DLGAP1: variants seen among roughly 807,000 people sequenced by gnomAD.
The protein encoded by DLGAP1 is DLG associated protein 1, also known as disks large-associated protein 1.
A neutral mutation model predicts 90.8 loss-of-function variants in DLGAP1; 11 were observed. The ratio of observed to expected loss-of-function variants is 0.12; its 90% CI spans 0.08 to 0.20. The LOEUF is 0.20. Among genes scored for constraint, DLGAP1 ranks in the 10% least tolerant of loss-of-function variants. DLGAP1 has a pLI of 1.00. For synonymous variants in DLGAP1, 558 were observed against 540.7 expected (o/e 1.03, Z -0.44); for missense variants, 1,050 against 1,333.8 (o/e 0.79, Z 3.31).
chr18:4,182,818 GT>G (rs1348754302), intron 1 of DLGAP1, among the ~76,000 whole-genome samples: 1 of 152,100 alleles, frequency 6.6e-6, no homozygotes, highest in Non-Finnish European at 1.5e-5. Flanking sequence ...CCATGGACAG[GT>G]AGAATCAAGT....
intron 9 of DLGAP1, among the ~76,000 whole-genome samples, chr18:3,539,243 T>C (rs2052550931): frequency 6.6e-6 from 1 of 152,246 alleles, no homozygotes; most frequent in Non-Finnish European, 1.5e-5. Context: ...GTCCCTAGAT[T>C]AATTTCTTTA....
intron 2 of DLGAP1, among the ~76,000 whole-genome samples, chr18:4,016,165 C>A (rs1003586634): frequency 1.3e-5 from 2 of 152,068 alleles, no homozygotes; most frequent in Non-Finnish European, 2.9e-5. Context: ...AGATATTTAG[C>A]CTTCAATTTT....
intron 4 of DLGAP1, among the ~76,000 whole-genome samples, chr18:3,851,241 T>C (rs763533493): frequency 1.3e-5 from 2 of 152,148 alleles, no homozygotes; most frequent in Non-Finnish European, 2.9e-5. Flanking sequence ...GACTGAAATT[T>C]ACGCAGCAGG....
chr18:4,362,799 C>T (rs899173716), intron 1 of DLGAP1, among the ~76,000 whole-genome samples: 14 of 151,984 alleles, frequency 9.2e-5, no homozygotes, highest in African/African-American at 2.9e-4. Flanking sequence ...ATAACAATTT[C>T]AGGACTCTGA....
At chr18:3,825,220 A>G (rs1356686736) in intron 4 of DLGAP1, among the ~76,000 whole-genome samples, 3 of 152,156 alleles carry the variant, frequency 2.0e-5, no homozygotes, top group Non-Finnish European at 2.9e-5. Context: ...CTTTAAACTG[A>G]TTACTTTGTG....
At chr18:3,750,331 T>G (rs1400529801) in intron 5 of DLGAP1, among the ~76,000 whole-genome samples, 1 of 152,266 alleles carries the variant, frequency 6.6e-6, no homozygotes, top group Admixed American at 6.5e-5. Flanking sequence ...TAGTATTCCA[T>G]GGTGTGTATG....
In DLGAP1 at chr18:4,425,169, T is replaced by C. The variant is rs1050232375; in HGVS notation, c.-267+29837A>G. Among the ~76,000 whole-genome samples, 4 of 152,158 alleles carry C rather than the reference T, an allele frequency of 2.6e-5. No individual in the cohort carries two copies. In the South Asian group the frequency reaches 8.3e-4, roughly 32 times the overall value. On this transcript the variant is annotated intron_variant, in intron 1 of 12. Transcript: ENST00000315677. ...AAAAATATTTCAAAACCAAAAAAAA[T>C]TGTTATAAAATGGTTCCACAAATCA...
chr18:4,266,458 C>T (rs2145314387), intron 1 of DLGAP1, among the ~76,000 whole-genome samples: 1 of 152,286 alleles, frequency 6.6e-6, no homozygotes, highest in African/African-American at 2.4e-5. Flanking sequence ...TTGAAGGCCT[C>T]GCTAGATCAA....
intron 3 of DLGAP1, among the ~76,000 whole-genome samples, chr18:3,970,943 G>C (rs1228466684): frequency 2.0e-5 from 3 of 152,100 alleles, no homozygotes; most frequent in African/African-American, 7.2e-5. Flanking sequence ...CTCTGGGCTA[G>C]GTATGCATTT....
At chr18:4,186,097 T>C (rs923778332) in intron 1 of DLGAP1, among the ~76,000 whole-genome samples, 3 of 152,178 alleles carry the variant, frequency 2.0e-5, no homozygotes, top group African/African-American at 7.2e-5. Context: ...AAAGTGTCTG[T>C]TCCTGTCACT....
At chr18:3,702,625 T>A (rs1464289358) in intron 7 of DLGAP1, among the ~76,000 whole-genome samples, 3 of 152,120 alleles carry the variant, frequency 2.0e-5, no homozygotes, top group African/African-American at 4.8e-5. Context: ...ATATGTATCA[T>A]CTTAGAAGTA....
chr18:3,534,929 T>A (rs2052254263), intron 9 of DLGAP1, among the ~76,000 whole-genome samples: 3 of 152,108 alleles, frequency 2.0e-5, no homozygotes. Context: ...TGGCCTCAAG[T>A]GATCTGCCTG....
At chr18:4,194,690 T>A (rs1371384940) in intron 1 of DLGAP1, among the ~76,000 whole-genome samples, 1 of 152,248 alleles carries the variant, frequency 6.6e-6, no homozygotes, top group Non-Finnish European at 1.5e-5. Context: ...TAATTCTGGC[T>A]TATTTAACAC....
chr18:4,116,367 A>G (rs746518384), intron 2 of DLGAP1, among the ~76,000 whole-genome samples: 2 of 152,048 alleles, frequency 1.3e-5, no homozygotes, highest in Non-Finnish European at 2.9e-5. Context: ...GAGCTTCTTG[A>G]CTCTGTAGAA....
At chr18:3,961,914 T>A (rs2073206817) in intron 3 of DLGAP1, among the ~76,000 whole-genome samples, 1 of 152,202 alleles carries the variant, frequency 6.6e-6, no homozygotes, top group Non-Finnish European at 1.5e-5. Context: ...TGCTCAGGTT[T>A]CAGGGAGGAC....
At chr18:4,220,968 C>G (rs12966549) in intron 1 of DLGAP1, among the ~76,000 whole-genome samples, 64,002 of 151,856 alleles carry the variant, frequency 0.42, 15,602 homozygotes, top group East Asian at 0.79. Flanking sequence ...ATATTTACCA[C>G]TATGTTATAA....
chr18:4,087,687 G>C (rs61001305), intron 2 of DLGAP1, among the ~76,000 whole-genome samples: 9,861 of 152,230 alleles, frequency 0.065, 790 homozygotes, highest in African/African-American at 0.18. Context: ...CTCCATGACA[G>C]AGCTGGTCTT....
At chr18:3,605,907 A>C (rs757643277) in intron 7 of DLGAP1, among the ~76,000 whole-genome samples, 6 of 152,248 alleles carry the variant, frequency 3.9e-5, no homozygotes, top group Non-Finnish European at 8.8e-5. Flanking sequence ...GAGTGCCACT[A>C]ACAAGTTTGT....
At chr18:3,675,173 C>T (rs868091437) in intron 7 of DLGAP1, among the ~76,000 whole-genome samples, 2 of 152,112 alleles carry the variant, frequency 1.3e-5, no homozygotes, top group Non-Finnish European at 1.5e-5. Context: ...CTGGTTCAAG[C>T]GATTATCCTG....
Sources: gnomAD v4.1 joint callset for allele counts (sites outside exome capture counted in the v4.1 genomes callset) on GRCh38, gnomAD v4.1.1 for gene constraint, MANE v1.5 for transcripts, NCBI Gene and HGNC (gene_info 2026-07-23, HGNC 2026-07-21) for gene names.